The following NRXN3 variants were observed in gnomAD, a reference collection of about 807,000 sequenced individuals.
NRXN3 encodes the protein neurexin 3.
Under a neutral mutation model 137.6 loss-of-function variants are expected in NRXN3, and 32 were observed. The observed-to-expected ratio is 0.23, with a 90% CI of 0.18 to 0.31. The LOEUF (loss-of-function observed/expected upper bound fraction) is 0.31. Ranked by LOEUF, NRXN3 falls within the 10% of genes least tolerant of loss-of-function variation. The pLI is 1.00. For missense variants in NRXN3, 1,574 were observed against 2,062.5 expected (o/e 0.76, Z 4.59); for synonymous variants, 798 against 784.5 (o/e 1.02, Z -0.29).
chr14:79,558,142 T>A (rs2097449925), intron 16 of NRXN3, among the ~76,000 whole-genome samples: 1 of 152,130 alleles, frequency 6.6e-6, no homozygotes, highest in South Asian at 2.1e-4. Flanking sequence ...TTCCATCACA[T>A]CTGCAATTCC....
At chr14:78,181,296 G>T (rs921314097) in intron 1 of NRXN3, among the ~76,000 whole-genome samples, 3 of 152,210 alleles carry the variant, frequency 2.0e-5, no homozygotes, top group African/African-American at 7.2e-5. Flanking sequence ...CTGAGGTGGG[G>T]CCCAGGAATC....
intron 9 of NRXN3, among the ~76,000 whole-genome samples, chr14:78,805,772 AT>A (rs948317067): frequency 1.3e-5 from 2 of 151,978 alleles, no homozygotes; most frequent in Admixed American, 6.6e-5. Flanking sequence ...TTAAACAGAC[AT>A]TTTTTTCCCC....
At chr14:79,565,719 G>A (rs565431847) in intron 16 of NRXN3, among the ~76,000 whole-genome samples, 1 of 152,136 alleles carries the variant, frequency 6.6e-6, no homozygotes, top group Admixed American at 6.6e-5. Flanking sequence ...GATTCTTTGA[G>A]GGAAAGAGAT....
At chr14:78,419,057 C>G (rs2093305013) in intron 4 of NRXN3, among the ~76,000 whole-genome samples, 1 of 152,126 alleles carries the variant, frequency 6.6e-6, no homozygotes, top group African/African-American at 2.4e-5. Flanking sequence ...ACATGAAGAG[C>G]CTCAGTTACC....
chr14:79,324,759 A>G (rs2090597035), intron 15 of NRXN3, among the ~76,000 whole-genome samples: 1 of 152,236 alleles, frequency 6.6e-6, no homozygotes, highest in Admixed American at 6.5e-5. Flanking sequence ...GAATTGCCTA[A>G]TATTTCATCT....
intron 4 of NRXN3, among the ~76,000 whole-genome samples, chr14:78,454,614 T>C (rs2094638035): frequency 6.6e-6 from 1 of 152,212 alleles, no homozygotes; most frequent in African/African-American, 2.4e-5. Context: ...CTACAGTGTC[T>C]GTCACAGAAT....
At chr14:79,291,282 G>A (rs2083151856) in intron 15 of NRXN3, among the ~76,000 whole-genome samples, 1 of 152,022 alleles carries the variant, frequency 6.6e-6, no homozygotes, top group Non-Finnish European at 1.5e-5. Context: ...TTTTTATTAT[G>A]CCTAACATTT....
intron 16 of NRXN3, among the ~76,000 whole-genome samples, chr14:79,474,815 G>C (rs764554371): frequency 5.3e-5 from 8 of 152,018 alleles, no homozygotes; most frequent in Non-Finnish European, 8.8e-5. Flanking sequence ...AAGAAGAGAA[G>C]AAGGAAGAGA....
chr14:78,410,816 G>T (rs1385456850), intron 4 of NRXN3, among the ~76,000 whole-genome samples: 1 of 152,196 alleles, frequency 6.6e-6, no homozygotes, highest in African/African-American at 2.4e-5. Flanking sequence ...TATATATGGG[G>T]TTACTAGAAG....
intron 10 of NRXN3, among the ~76,000 whole-genome samples, chr14:78,928,635 C>A (rs1003604026): frequency 6.6e-6 from 1 of 152,062 alleles, no homozygotes; most frequent in African/African-American, 2.4e-5. Context: ...TGAACTCATC[C>A]TTTTTTATGG....
intron 20 of NRXN3, among the ~76,000 whole-genome samples, chr14:79,818,787 G>T (rs2099261321): frequency 6.6e-6 from 1 of 152,074 alleles, no homozygotes; most frequent in Admixed American, 6.6e-5. Flanking sequence ...GAGTTATAAA[G>T]AACTAAAAAT....
rs1056266523 is a variant in NRXN3 at position 78,804,200 on chromosome 14, G to C, written c.2248+377G>C. Among the ~76,000 whole-genome samples the C allele has an allele frequency of 4.1e-4, 63 of 152,332 alleles. 1 individual carries two copies. The highest frequency in any genetic ancestry group is 1.3e-3 in the African/African-American group (56 of 41,576). ...CTCAAAACAGTCACAGCTGAGGTCA[G>C]GGACAGGGCAGGAAGTGGAGGCAAA... is the stretch of plus-strand genomic sequence containing the variant. On this transcript the variant is annotated intron_variant, in intron 9 of 20. Coordinates refer to ENST00000335750, the MANE Select transcript of NRXN3 (RefSeq NM_001330195.2).
At chr14:79,473,684 A>G (rs142561256) in intron 16 of NRXN3, among the ~76,000 whole-genome samples, 1 of 152,296 alleles carries the variant, frequency 6.6e-6, no homozygotes, top group Non-Finnish European at 1.5e-5. Flanking sequence ...CAACAGATGC[A>G]ATTTCGTTTC....
At chr14:78,489,958 A>G (rs1351123618) in intron 4 of NRXN3, among the ~76,000 whole-genome samples, 6 of 150,062 alleles carry the variant, frequency 4.0e-5, no homozygotes, top group Non-Finnish European at 7.4e-5. Flanking sequence ...GCTATCACCC[A>G]GGCTGGAGTG....
intron 15 of NRXN3, among the ~76,000 whole-genome samples, chr14:79,210,509 T>A (rs2067488812): frequency 6.6e-6 from 1 of 152,212 alleles, no homozygotes; most frequent in African/African-American, 2.4e-5. Context: ...CTGGTTTATA[T>A]CTAATTTGAA....
intron 10 of NRXN3, among the ~76,000 whole-genome samples, chr14:78,899,050 T>C (rs2099187206): frequency 6.6e-6 from 1 of 151,928 alleles, no homozygotes; most frequent in Non-Finnish European, 1.5e-5. Context: ...ATTTCTCAGC[T>C]CTGAGCCAGA....
At chr14:79,290,869 A>C (rs2083071933) in intron 15 of NRXN3, among the ~76,000 whole-genome samples, 1 of 152,142 alleles carries the variant, frequency 6.6e-6, no homozygotes, top group East Asian at 1.9e-4. Flanking sequence ...AAAAGCTGAA[A>C]GTCTCTTATA....
chr14:78,350,269 A>G (rs951266979), intron 4 of NRXN3, among the ~76,000 whole-genome samples: 2 of 150,882 alleles, frequency 1.3e-5, no homozygotes, highest in African/African-American at 4.9e-5. Flanking sequence ...AGCCTGGACA[A>G]CAAGAGCGGA....
intron 4 of NRXN3, among the ~76,000 whole-genome samples, chr14:78,491,459 A>G (rs2095666630): frequency 1.3e-5 from 2 of 152,204 alleles, no homozygotes; most frequent in African/African-American, 2.4e-5. Context: ...TTTGCAGACA[A>G]GCAAGCCTCC....
Sources: gnomAD v4.1 joint callset for allele counts (sites outside exome capture counted in the v4.1 genomes callset) on GRCh38, gnomAD v4.1.1 for gene constraint, MANE v1.5 for transcripts, NCBI Gene and HGNC (gene_info 2026-07-23, HGNC 2026-07-21) for gene names.